Variants in SYNE1 observed in about 807,000 individuals in gnomAD.
SYNE1 encodes nesprin-1.
Under a neutral mutation model 1,111.0 loss-of-function variants are expected in SYNE1, and 616 were observed. That is an observed-to-expected ratio of 0.55 (90% CI 0.52 to 0.59). SYNE1 has a LOEUF of 0.59. Among genes scored for constraint, SYNE1 ranks in the 20% least tolerant of loss-of-function variants. The pLI is 0.00. For missense variants in SYNE1, 10,006 were observed against 10,417.0 expected (o/e 0.96, Z 1.72); for synonymous variants, 3,855 against 3,825.8 (o/e 1.01, Z -0.28).
Position 152,451,040 on chromosome 6 carries a change from G to A in SYNE1, c.3186+7C>T. On this transcript the variant is annotated splice_region_variant and intron_variant, in intron 26 of 145. Transcript: ENST00000367255. The stretch of plus-strand genomic sequence containing the variant: ...CGGCTATCCACATTGTGGTGTGGGA[G>A]ACGTACCCTGTGCTCTTTAATTATC... 6.2e-7 allele frequency: 1 copy of A among 1,614,146 alleles called. No homozygotes were observed. The highest frequency in any genetic ancestry group is 8.5e-7 in the Non-Finnish European group (1 of 1,180,026).
intron 25 of SYNE1, among the ~76,000 whole-genome samples, chr6:152,452,104 C>G (rs1386420693): frequency 6.6e-6 from 1 of 152,212 alleles, no homozygotes; most frequent in African/African-American, 2.4e-5. Context: ...CAAGCAAGCA[C>G]TCAAACACTA....
At chr6:152,636,037 G>A (rs1434979559) in intron 2 of SYNE1, among the ~76,000 whole-genome samples, 1 of 152,126 alleles carries the variant, frequency 6.6e-6, no homozygotes, top group East Asian at 1.9e-4. Flanking sequence ...GAACTCCTCC[G>A]CCAGCAATGC....
At chr6:152,628,812 C>A (rs140173289) in intron 2 of SYNE1, among the ~76,000 whole-genome samples, 2 of 152,218 alleles carry the variant, frequency 1.3e-5, no homozygotes, top group Non-Finnish European at 2.9e-5. Flanking sequence ...CACTTTCATT[C>A]CATGTTTTCT....
At chr6:152,507,625 C>T (rs1342688134) in intron 8 of SYNE1, among the ~76,000 whole-genome samples, 2 of 152,068 alleles carry the variant, frequency 1.3e-5, no homozygotes, top group African/African-American at 2.4e-5. Context: ...ATGAACAGTG[C>T]CCAATTTATA....
At chr6:152,342,190 G>C (rs1025859951) in intron 74 of SYNE1, among the ~76,000 whole-genome samples, 1 of 152,154 alleles carries the variant, frequency 6.6e-6, no homozygotes, top group Non-Finnish European at 1.5e-5. Flanking sequence ...GCTTACTCTG[G>C]TATGTGTAGG....
intron 127 of SYNE1, among the ~76,000 whole-genome samples, chr6:152,199,754 C>T (rs1375781694): frequency 5.3e-5 from 8 of 152,162 alleles, no homozygotes; most frequent in Admixed American, 6.5e-5. Context: ...GCTAACTTCC[C>T]AAGCAATTTA....
At chr6:152,567,581 G>A (rs2099418107) in intron 3 of SYNE1, among the ~76,000 whole-genome samples, 1 of 152,076 alleles carries the variant, frequency 6.6e-6, no homozygotes, top group South Asian at 2.1e-4. Context: ...GAAGAACAGA[G>A]TATTTTTTCA....
Position 152,396,955 on chromosome 6 carries a change from C to T in SYNE1, c.7376G>A (p.Gly2459Glu), listed in dbSNP as rs1332791767. The change falls in exon 50 of 146, where the codon GGG (glycine) becomes GAG (glutamate). Residue 2459 changes from glycine (G) to glutamate (E), a missense_variant. Coordinates refer to ENST00000367255, the MANE Select transcript of SYNE1 (RefSeq NM_182961.4). Reference sequence around the variant, plus strand: ...AGTCACTGCATCAAGTTTGCTCTGCCCATCACTGACTGAGTCCAAAATGTT... The same window carrying T: ...AGTCACTGCATCAAGTTTGCTCTGCTCATCACTGACTGAGTCCAAAATGTT... ...LQNILDSVSDGQSKLDAVTQE... is the reference protein window; with the variant it reads ...LQNILDSVSDEQSKLDAVTQE... 3 of 1,614,096 alleles carry T rather than the reference C, an allele frequency of 1.9e-6. No homozygotes were observed. Among genetic ancestry groups the T allele is most frequent in the Non-Finnish European group, 1.7e-6 (2 of 1,180,016 alleles).
chr6:152,413,111 A>G (rs568662916), intron 42 of SYNE1, among the ~76,000 whole-genome samples: 9 of 152,332 alleles, frequency 5.9e-5, no homozygotes, highest in South Asian at 2.1e-4. Flanking sequence ...TTGGCCTCCC[A>G]AAGTGCTGGG....
intron 16 of SYNE1, 53 bp from the exon 17 acceptor site, chr6:152,466,131 G>A (rs1172182380): frequency 8.4e-7 from 1 of 1,197,080 alleles, no homozygotes; most frequent in Non-Finnish European, 1.2e-6. Context: ...CATGTAGAAT[G>A]CCAAAGTCAA....
chr6:152,176,574 A>G lies in SYNE1; in HGVS notation c.23461-14T>C. 3 of 1,613,542 alleles carry G rather than the reference A, an allele frequency of 1.9e-6. No individual in the cohort carries two copies. Among genetic ancestry groups the G allele is most frequent in the Non-Finnish European group, 2.5e-6 (3 of 1,179,488 alleles). On this transcript the variant is annotated splice_polypyrimidine_tract_variant and intron_variant, in intron 129 of 145. Transcript: ENST00000367255. ...CTCTTGATAATCCTGTGTAATAAAT[A>G]GCAATCACAGAGGTCAGAAAGCATA...
intron 4 of SYNE1, among the ~76,000 whole-genome samples, chr6:152,530,207 G>C (rs1025321723): frequency 1.3e-5 from 2 of 152,098 alleles, no homozygotes; most frequent in Non-Finnish European, 2.9e-5. Flanking sequence ...TTGCCCAGTT[G>C]GCTTTTCCTT....
At chr6:152,440,944 T>C (rs2098524279) in intron 32 of SYNE1, among the ~76,000 whole-genome samples, 186 bp downstream of exon 32, 2 of 152,222 alleles carry the variant, frequency 1.3e-5, no homozygotes, top group Non-Finnish European at 2.9e-5. Context: ...ATCTTTGTTT[T>C]ACTTCTTGAT....
At chr6:152,503,080 T>C (rs1564496213) in intron 9 of SYNE1, among the ~76,000 whole-genome samples, 1 of 152,176 alleles carries the variant, frequency 6.6e-6, no homozygotes, top group East Asian at 1.9e-4. Flanking sequence ...TCATACTAGT[T>C]CTATTCATAC....
intron 16 of SYNE1, among the ~76,000 whole-genome samples, chr6:152,466,414 G>T (rs953466411): frequency 1.3e-5 from 2 of 152,174 alleles, no homozygotes; most frequent in Non-Finnish European, 2.9e-5. Context: ...ACATTTTAAA[G>T]TGTCCCACTG....
intron 73 of SYNE1, among the ~76,000 whole-genome samples, chr6:152,346,269 C>T (rs529582240): frequency 1.3e-5 from 2 of 152,150 alleles, no homozygotes; most frequent in East Asian, 3.9e-4. Flanking sequence ...CACGTTCAAG[C>T]GATTCTGCTG....
chr6:152,373,366 G>C, intron 58 of SYNE1, 147 bp from the exon 59 acceptor site: 1 of 716,078 alleles, frequency 1.4e-6, no homozygotes, highest in East Asian at 2.8e-5. Flanking sequence ...TGCAGCCTCC[G>C]TCTTCTGCGT....
chr6:152,536,342 T>TAA (rs1376130016), intron 4 of SYNE1, among the ~76,000 whole-genome samples: 6 of 124,612 alleles, frequency 4.8e-5, no homozygotes, highest in Non-Finnish European at 8.7e-5. Context: ...TATATATATA[T>TAA]AACTATATAT....
intron 2 of SYNE1, among the ~76,000 whole-genome samples, chr6:152,631,995 G>A (rs1026325996): frequency 6.6e-6 from 1 of 152,080 alleles, no homozygotes; most frequent in Non-Finnish European, 1.5e-5. Flanking sequence ...CATACCACTT[G>A]AAGCTTTTCC....
Sources: allele counts gnomAD v4.1 joint callset (sites outside exome capture counted in the v4.1 genomes callset), GRCh38; gene constraint gnomAD v4.1.1; transcripts MANE v1.5; gene names NCBI Gene and HGNC (gene_info 2026-07-23, HGNC 2026-07-21).